SLIT1: variants seen among roughly 807,000 people sequenced by gnomAD.
SLIT1 encodes slit homolog 1 protein.
In SLIT1, 66 loss-of-function variants were observed where a neutral mutation model predicts 186.1. The ratio of observed to expected loss-of-function variants is 0.35; its 90% confidence interval spans 0.29 to 0.44. SLIT1 has a LOEUF of 0.44. Ranked by LOEUF, SLIT1 falls within the 20% of genes least tolerant of loss-of-function variation. The pLI is 1.00. For missense variants in SLIT1, 1,638 were observed against 2,037.4 expected (o/e 0.80, Z 3.77); for synonymous variants, 761 against 833.8 (o/e 0.91, Z 1.50).
At chr10:97,141,648 C>T (rs1279392716) in intron 4 of SLIT1, among the ~76,000 whole-genome samples, 8 of 150,848 alleles carry the variant, frequency 5.3e-5, no homozygotes, top group Admixed American at 4.0e-4. Flanking sequence ...CACTGTATTG[C>T]ATTGTATTGT....
chr10:97,026,017 C>A (rs538589835), intron 25 of SLIT1, among the ~76,000 whole-genome samples: 1 of 151,702 alleles, frequency 6.6e-6, no homozygotes, highest in African/African-American at 2.4e-5. Flanking sequence ...AGCACAACAT[C>A]TTAGTGCAAA....
chr10:97,087,813 C>T (rs190939611), intron 4 of SLIT1, among the ~76,000 whole-genome samples: 4 of 152,210 alleles, frequency 2.6e-5, no homozygotes, highest in Non-Finnish European at 5.9e-5. Flanking sequence ...CTTGATCAGC[C>T]CAGCCAATAT....
chr10:97,147,548 T>C (rs1433393922), intron 4 of SLIT1, among the ~76,000 whole-genome samples: 3 of 151,850 alleles, frequency 2.0e-5, no homozygotes, highest in East Asian at 1.9e-4. Context: ...GAAGGTGGCA[T>C]TTCAGGCAAC....
At position 97,043,363 on chromosome 10, in the gene SLIT1, G is replaced by T. The variant is rs1356455453; in HGVS notation, c.1997+7C>A. Reference sequence around the variant, plus strand: ...CCCCGCCCGCCTGTCCTGGAGGCCGGACTCACAGTGTGGAGAGGGACTGGA... The same window carrying T: ...CCCCGCCCGCCTGTCCTGGAGGCCGTACTCACAGTGTGGAGAGGGACTGGA... On this transcript the variant is annotated splice_region_variant and intron_variant, in intron 19 of 36. Transcript: ENST00000266058. The surrounding 1 kb of genome is among the most constrained non-coding windows in gnomAD (Gnocchi z 7.0). The T allele has an allele frequency of 1.2e-6, 2 of 1,613,230 alleles. No homozygotes were observed. The highest frequency in any genetic ancestry group is 2.2e-5 in the South Asian group (2 of 91,028).
intron 24 of SLIT1, 31 bp from the exon 25 acceptor site, chr10:97,030,859 T>A: frequency 6.3e-7 from 1 of 1,595,326 alleles, no homozygotes. Flanking sequence ...TGGTGCCTTA[T>A]CCAGGGACAG....
chr10:97,181,690 G>GA (rs202071842), intron 1 of SLIT1, among the ~76,000 whole-genome samples: 613 of 151,034 alleles, frequency 4.1e-3, no homozygotes, highest in African/African-American at 0.011. Context: ...TACAAAAAAG[G>GA]AAAAAAAAAG....
intron 4 of SLIT1, among the ~76,000 whole-genome samples, chr10:97,087,603 C>T (rs1849178832): frequency 6.6e-6 from 1 of 152,208 alleles, no homozygotes; most frequent in Non-Finnish European, 1.5e-5. Flanking sequence ...TGCCATGATC[C>T]AATAGTGTGC....
At chr10:97,024,257 G>A (rs1286985305) in intron 25 of SLIT1, among the ~76,000 whole-genome samples, 2 of 152,132 alleles carry the variant, frequency 1.3e-5, no homozygotes, top group Non-Finnish European at 2.9e-5. Context: ...CCCCAAAATA[G>A]CTCAGCTGAT....
At chr10:97,161,546 G>A (rs1286954368) in intron 3 of SLIT1, among the ~76,000 whole-genome samples, 1 of 152,222 alleles carries the variant, frequency 6.6e-6, no homozygotes, top group Non-Finnish European at 1.5e-5. Flanking sequence ...GGAGGCCAAG[G>A]CGGGCGGATC....
intron 11 of SLIT1, chr10:97,058,213 G>T (rs1848859303): frequency 7.9e-6 from 5 of 631,464 alleles, no homozygotes; most frequent in Non-Finnish European, 1.4e-5. Context: ...CCCTCAAGCT[G>T]CTGGGTGGGA....
At chr10:97,172,919 A>G (rs1336695122) in intron 1 of SLIT1, among the ~76,000 whole-genome samples, 1 of 125,780 alleles carries the variant, frequency 8.0e-6, no homozygotes, top group Non-Finnish European at 1.8e-5. Context: ...AGAAAGAAAG[A>G]GAGAAAGGAA....
chr10:97,163,288 G>A, intron 3 of SLIT1, 92 bp downstream of exon 3: 1 of 1,096,402 alleles, frequency 9.1e-7, no homozygotes, highest in South Asian at 1.3e-5. Flanking sequence ...CCCCTCCCAT[G>A]AGTGCCCCTC....
chr10:97,169,008 T>A (rs1404916012), intron 1 of SLIT1, among the ~76,000 whole-genome samples: 1 of 152,166 alleles, frequency 6.6e-6, no homozygotes. Flanking sequence ...CTTCTCACCC[T>A]TTTGTACCAG....
intron 4 of SLIT1, among the ~76,000 whole-genome samples, chr10:97,116,853 C>T (rs556038541): frequency 6.6e-6 from 1 of 152,274 alleles, no homozygotes; most frequent in Non-Finnish European, 1.5e-5. Flanking sequence ...AACGAGAGGA[C>T]GGATGGGCTC....
intron 28 of SLIT1, among the ~76,000 whole-genome samples, chr10:97,016,973 G>A (rs752597311): frequency 2.0e-5 from 3 of 152,218 alleles, no homozygotes; most frequent in Non-Finnish European, 4.4e-5. Flanking sequence ...TACGAGCTGG[G>A]GCAGGGTAGC....
At position 97,001,339 on chromosome 10, in the gene SLIT1, G is replaced by A. The variant is rs563781201; in HGVS notation, c.4378C>T (p.Arg1460Trp). Residue 1460 changes from arginine to tryptophan, a missense_variant, in exon 37 of 37, where the codon CGG becomes TGG. Arg to Trp is a moderately radical substitution (Grantham distance 101). Transcript: ENST00000266058. ...GELCEQESEC[R>W]GDPVRDFHQV... is the part of the protein sequence containing the mutation. Reference sequence around the variant, plus strand: ...TGAAAGTCCCGGACAGGGTCCCCCCGGCACTCGGACTCTGGATGGGACAGA... The same window carrying A: ...TGAAAGTCCCGGACAGGGTCCCCCCAGCACTCGGACTCTGGATGGGACAGA... 4.7e-5 allele frequency: 76 copies of A among 1,612,400 alleles called. No homozygotes were observed. In the East Asian group the frequency reaches 1.1e-3, roughly 24 times the overall value.
At chr10:97,037,398 C>T (rs920030984) in intron 22 of SLIT1, among the ~76,000 whole-genome samples, 28 of 152,068 alleles carry the variant, frequency 1.8e-4, no homozygotes, top group African/African-American at 6.5e-4. Flanking sequence ...ACCGTGCCCG[C>T]CCGACCAGGA....
intron 22 of SLIT1, among the ~76,000 whole-genome samples, chr10:97,035,659 A>G (rs191174335): frequency 6.6e-6 from 1 of 152,310 alleles, no homozygotes; most frequent in East Asian, 1.9e-4. Flanking sequence ...TCTCTATGAC[A>G]CAAAGCTGAC....
intron 4 of SLIT1, among the ~76,000 whole-genome samples, chr10:97,127,646 G>A (rs972659682): frequency 6.6e-6 from 1 of 152,196 alleles, no homozygotes; most frequent in Non-Finnish European, 1.5e-5. Context: ...TCCACTCTAC[G>A]AAGAAACACT....
Sources: gnomAD v4.1 joint callset for allele counts (sites outside exome capture counted in the v4.1 genomes callset) on GRCh38, gnomAD v4.1.1 for gene constraint, Gnocchi (gnomAD v3.1) non-coding constraint, MANE v1.5 for transcripts, NCBI Gene and HGNC (gene_info 2026-07-23, HGNC 2026-07-21) for gene names.